NPAS2: variants seen among roughly 807,000 people sequenced by gnomAD.
NPAS2 encodes neuronal PAS domain-containing protein 2.
Under a neutral mutation model 107.5 loss-of-function variants are expected in NPAS2, and 23 were observed. The ratio of observed to expected loss-of-function variants is 0.21; its 90% CI spans 0.15 to 0.30. NPAS2 has a LOEUF of 0.30. NPAS2 is among the 10% of genes least tolerant of loss of function. The pLI, the probability that NPAS2 is intolerant of heterozygous loss-of-function variation, is 1.00. For synonymous variants in NPAS2, 403 were observed against 417.5 expected (o/e 0.97, Z 0.42); for missense variants, 756 against 1,043.3 (o/e 0.72, Z 3.79).
At chr2:100,985,795 A>G (rs547215210) in intron 16 of NPAS2, 2 of 152,258 alleles carry the variant, frequency 1.3e-5, no homozygotes, top group Non-Finnish European at 2.9e-5. Context: ...TTTACTAATG[A>G]GGAAACTAAG....
intron 2 of NPAS2, among the ~76,000 whole-genome samples, chr2:100,915,138 A>T (rs1216449451): frequency 1.3e-5 from 2 of 152,182 alleles, no homozygotes; most frequent in East Asian, 3.9e-4. Context: ...CAACAGCAGC[A>T]TAGCAGGAGC....
intron 3 of NPAS2, among the ~76,000 whole-genome samples, chr2:100,927,200 C>G (rs1284675028): frequency 2.6e-5 from 4 of 152,094 alleles, no homozygotes; most frequent in Non-Finnish European, 5.9e-5. Flanking sequence ...TCCCAAAGTG[C>G]TGGGATTGCA....
Position 100,838,281 on chromosome 2 carries a change from T to A in NPAS2, c.-23+17867T>A, listed in dbSNP as rs375527705. On this transcript the variant is annotated intron_variant, in intron 1 of 20. Transcript: ENST00000335681. ...CTGATTTAATTTTTCCTGAAGATTA[T>A]TTCTTTTTTATTTGAGACAGAGTTT... 3.3e-5 allele frequency among the ~76,000 whole-genome samples: 5 copies of A among 152,058 alleles called. No individual in the cohort carries two copies. In the East Asian group the frequency reaches 7.7e-4, roughly 23 times the overall value.
At chr2:100,869,211 C>T (rs1679424852) in intron 1 of NPAS2, among the ~76,000 whole-genome samples, 1 of 152,130 alleles carries the variant, frequency 6.6e-6, no homozygotes, top group South Asian at 2.1e-4. Flanking sequence ...TTTGGGATTA[C>T]AGGCGTGAGC....
chr2:100,871,135 C>T (rs979337212), intron 1 of NPAS2, among the ~76,000 whole-genome samples: 6 of 152,192 alleles, frequency 3.9e-5, no homozygotes, highest in African/African-American at 1.4e-4. Context: ...CACCCACTCA[C>T]CCACAGCTTA....
chr2:100,867,699 T>C (rs955334823), intron 1 of NPAS2, among the ~76,000 whole-genome samples: 2 of 151,474 alleles, frequency 1.3e-5, no homozygotes, highest in African/African-American at 4.9e-5. Flanking sequence ...AAAGTACTTT[T>C]TGTTTTGTTT....
At chr2:100,925,068 A>G in intron 2 of NPAS2, 78 bp from the exon 3 acceptor site, 1 of 1,467,522 alleles carries the variant, frequency 6.8e-7, no homozygotes, top group East Asian at 2.3e-5. Context: ...ATGTGCTCTA[A>G]TAGAAAGTGC....
chr2:100,864,782 ATTATTGAGAATCCCAAAGAGGTTTTGT>A (rs1290132128), intron 1 of NPAS2, among the ~76,000 whole-genome samples: 5 of 152,230 alleles, frequency 3.3e-5, no homozygotes, highest in Non-Finnish European at 5.9e-5. Context: ...ATTCTTCAGA[ATTATTGAGAATCCCAAAGAGGTTTTGT>A]TTATGTGGGT....
At chr2:100,962,116 C>A (rs1675950027) in intron 7 of NPAS2, among the ~76,000 whole-genome samples, 1 of 152,086 alleles carries the variant, frequency 6.6e-6, no homozygotes, top group Admixed American at 6.5e-5. Flanking sequence ...AATTCATTTG[C>A]AATAGCCTAA....
intron 1 of NPAS2, among the ~76,000 whole-genome samples, chr2:100,888,799 C>T (rs1284556696): frequency 6.6e-6 from 1 of 152,174 alleles, no homozygotes; most frequent in African/African-American, 2.4e-5. Context: ...GATGCCATGA[C>T]TTCTGACTCA....
intron 1 of NPAS2, among the ~76,000 whole-genome samples, chr2:100,901,818 C>G (rs1681801207): frequency 6.6e-6 from 1 of 152,056 alleles, no homozygotes; most frequent in African/African-American, 2.4e-5. Flanking sequence ...TACAAAGAGC[C>G]CCCCTGTAAG....
intron 12 of NPAS2, 124 bp from the exon 13 acceptor site, chr2:100,974,679 C>G: frequency 1.8e-6 from 2 of 1,089,956 alleles, no homozygotes; most frequent in South Asian, 3.2e-5. Flanking sequence ...GAATCGTCCC[C>G]AAACAACTAT....
intron 1 of NPAS2, among the ~76,000 whole-genome samples, chr2:100,825,892 A>T (rs1676343213): frequency 2.0e-5 from 3 of 152,160 alleles, no homozygotes; most frequent in African/African-American, 2.4e-5. Context: ...AAGAATGCAA[A>T]GGTGAAGAAG....
chr2:100,887,649 A>T (rs1271361567), intron 1 of NPAS2, among the ~76,000 whole-genome samples: 1 of 152,076 alleles, frequency 6.6e-6, no homozygotes, highest in Non-Finnish European at 1.5e-5. Context: ...GTGTCAATTT[A>T]CACAGTTGTT....
At chr2:100,978,528 AAG>A (rs1352516709) in intron 15 of NPAS2, among the ~76,000 whole-genome samples, 2 of 86,548 alleles carry the variant, frequency 2.3e-5, no homozygotes, top group African/African-American at 1.3e-4. Flanking sequence ...TTTAAAAAAA[AAG>A]AAAGAAAGAA....
intron 15 of NPAS2, among the ~76,000 whole-genome samples, chr2:100,978,830 A>C (rs938792137): frequency 8.5e-5 from 13 of 152,164 alleles, no homozygotes; most frequent in African/African-American, 3.1e-4. Context: ...TGGCCCCGGA[A>C]AGGTGGGTAG....
intron 1 of NPAS2, among the ~76,000 whole-genome samples, chr2:100,852,341 G>T (rs896415730): frequency 6.6e-6 from 1 of 152,130 alleles, no homozygotes; most frequent in African/African-American, 2.4e-5. Context: ...AGCTTGCAGT[G>T]AGCTGAGATC....
chr2:100,977,649 C>G, intron 14 of NPAS2, 61 bp from the exon 15 acceptor site: 3 of 1,446,758 alleles, frequency 2.1e-6, no homozygotes, highest in Non-Finnish European at 2.9e-6. Context: ...ACCAAGAGAC[C>G]ACATCCCTGT....
intron 1 of NPAS2, chr2:100,901,462 G>GA: frequency 1.0e-6 from 1 of 959,264 alleles, no homozygotes; most frequent in Non-Finnish European, 1.2e-6. Context: ...TGTGTTCTAG[G>GA]AAAACCCAAG....
Sources: allele counts gnomAD v4.1 joint callset (sites outside exome capture counted in the v4.1 genomes callset), GRCh38; gene constraint gnomAD v4.1.1; transcripts MANE v1.5; gene names NCBI Gene and HGNC (gene_info 2026-07-23, HGNC 2026-07-21).